LRMDA: variants seen among roughly 807,000 people sequenced by gnomAD.
LRMDA encodes the protein leucine-rich melanocyte differentiation-associated protein.
Under a neutral mutation model 29.8 loss-of-function variants are expected in LRMDA, and 18 were observed. The observed-to-expected ratio is 0.60, with a 90% CI of 0.42 to 0.90. The LOEUF is 0.90. Among genes scored for constraint, LRMDA ranks in the 40% least tolerant of loss-of-function variants. The pLI, the probability that LRMDA is intolerant of heterozygous loss-of-function variation, is 0.00. For synonymous variants in LRMDA, 125 were observed against 109.4 expected, an observed-to-expected ratio of 1.14 and a Z score of -0.89; for missense variants, 273 against 273.9, an observed-to-expected ratio of 1.00 and a Z score of 0.02.
At chr10:75,914,077 G>A (rs1318723237) in intron 2 of LRMDA, among the ~76,000 whole-genome samples, 1 of 152,186 alleles carries the variant, frequency 6.6e-6, no homozygotes, top group Non-Finnish European at 1.5e-5. Context: ...ACGAAATGAA[G>A]TGATATCATC....
chr10:76,356,975 G>A (rs1388282576), intron 6 of LRMDA, among the ~76,000 whole-genome samples: 1 of 152,132 alleles, frequency 6.6e-6, no homozygotes, highest in Non-Finnish European at 1.5e-5. Flanking sequence ...AAGAAAGTTG[G>A]TTGGTGGAGA....
intron 5 of LRMDA, among the ~76,000 whole-genome samples, chr10:76,166,524 G>C (rs1231955227): frequency 6.6e-6 from 1 of 152,084 alleles, no homozygotes; most frequent in African/African-American, 2.4e-5. Flanking sequence ...ATGTGTCCAT[G>C]TGTTCTCATC....
chr10:76,400,118 G>A (rs1907338), intron 6 of LRMDA, among the ~76,000 whole-genome samples: 49 of 152,270 alleles, frequency 3.2e-4, no homozygotes, highest in African/African-American at 1.2e-3. Flanking sequence ...CTTTTTTCCT[G>A]CTGATCTTGA....
At chr10:76,040,579 T>A (rs150105342) in intron 3 of LRMDA, among the ~76,000 whole-genome samples, 1 of 152,114 alleles carries the variant, frequency 6.6e-6, no homozygotes, top group East Asian at 1.9e-4. Context: ...TTTCTCTCTC[T>A]CTCTCTCTCA....
At chr10:75,636,455 G>A (rs1487459829) in intron 2 of LRMDA, among the ~76,000 whole-genome samples, 12 of 152,120 alleles carry the variant, frequency 7.9e-5, no homozygotes, top group Admixed American at 4.6e-4. Context: ...GCACAATGCT[G>A]GTACATGCTA....
chr10:76,512,491 C>T (rs1907322), intron 6 of LRMDA, among the ~76,000 whole-genome samples: 50,577 of 151,942 alleles, frequency 0.33, 8,900 homozygotes, highest in African/African-American at 0.36. Flanking sequence ...ACAACCTTTT[C>T]GACAAATGAT....
chr10:75,733,220 G>A (rs1286918976), intron 2 of LRMDA, among the ~76,000 whole-genome samples: 1 of 152,192 alleles, frequency 6.6e-6, no homozygotes, highest in African/African-American at 2.4e-5. Flanking sequence ...ACATCAAAGA[G>A]AACATGCATA....
chr10:76,483,481 T>C (rs985905210), intron 6 of LRMDA, among the ~76,000 whole-genome samples: 1 of 151,848 alleles, frequency 6.6e-6, no homozygotes, highest in Admixed American at 6.6e-5. Context: ...AGGATGTGTT[T>C]AGCTAGGTCT....
At chr10:76,399,262 A>G (rs1841822451) in intron 6 of LRMDA, among the ~76,000 whole-genome samples, 1 of 152,198 alleles carries the variant, frequency 6.6e-6, no homozygotes. Context: ...CTTTGCCTGC[A>G]TCTAGACCTC....
intron 2 of LRMDA, among the ~76,000 whole-genome samples, chr10:75,994,256 A>T (rs146054111): frequency 3.2e-4 from 49 of 152,254 alleles, no homozygotes; most frequent in African/African-American, 1.1e-3. Context: ...ATCCAAGCTA[A>T]CCTGAGATGC....
chr10:75,869,370 C>T (rs1159905073), intron 2 of LRMDA, among the ~76,000 whole-genome samples: 1 of 152,158 alleles, frequency 6.6e-6, no homozygotes, highest in African/African-American at 2.4e-5. Flanking sequence ...CATATTGCTG[C>T]CATATGTGAT....
At chr10:75,676,296 C>T (rs188675062) in intron 2 of LRMDA, among the ~76,000 whole-genome samples, 80 of 152,320 alleles carry the variant, frequency 5.3e-4, no homozygotes, top group East Asian at 2.7e-3. Context: ...GTGGTCAGGA[C>T]TAAACCTGTG....
chr10:75,890,984 A>T (rs1845476915), intron 2 of LRMDA, among the ~76,000 whole-genome samples: 1 of 152,076 alleles, frequency 6.6e-6, no homozygotes, highest in African/African-American at 2.4e-5. Flanking sequence ...TATGCCTGTA[A>T]TCCCAGCTAC....
chr10:75,681,631 G>A (rs1196269692), intron 2 of LRMDA, among the ~76,000 whole-genome samples: 3 of 152,152 alleles, frequency 2.0e-5, no homozygotes, highest in African/African-American at 2.4e-5. Context: ...CCAGAGCCAC[G>A]CCAAATAGCA....
rs76211840 is a variant in LRMDA, at chr10:75,745,464, A to G, written c.132-290544A>G. On this transcript the variant is annotated intron_variant, in intron 2 of 6. Transcript: ENST00000611255. The stretch of plus-strand genomic sequence containing the variant: ...ACAGCAACTTTGTGCCCTGTGTCCT[A>G]TATCTTCCCATTTCTTTTAAAAATA... 2.0e-3 allele frequency among the ~76,000 whole-genome samples: 307 copies of G among 152,290 alleles called. 1 individual carries two copies. Among genetic ancestry groups the G allele is most frequent in the Non-Finnish European group, 3.6e-3 (243 of 68,030 alleles).
intron 5 of LRMDA, among the ~76,000 whole-genome samples, chr10:76,262,287 C>T (rs535830906): frequency 1.3e-5 from 2 of 152,274 alleles, no homozygotes; most frequent in South Asian, 4.1e-4. Context: ...CACCGGGGTT[C>T]TCAGTGATTG....
intron 2 of LRMDA, among the ~76,000 whole-genome samples, chr10:75,557,186 T>A (rs1486906857): frequency 2.0e-5 from 3 of 151,470 alleles, no homozygotes; most frequent in Non-Finnish European, 4.4e-5. Context: ...TGGTGGCGGG[T>A]GTCTGTAATC....
At chr10:75,913,711 G>A (rs1037497500) in intron 2 of LRMDA, among the ~76,000 whole-genome samples, 1 of 152,146 alleles carries the variant, frequency 6.6e-6, no homozygotes, top group Non-Finnish European at 1.5e-5. Flanking sequence ...CAGGCCCTGA[G>A]TGAGAAGCTC....
intron 2 of LRMDA, among the ~76,000 whole-genome samples, chr10:75,752,961 A>G (rs774401158): frequency 1.3e-5 from 2 of 152,178 alleles, no homozygotes; most frequent in East Asian, 1.9e-4. Context: ...CTGGTTGTAC[A>G]GTATTTTTCT....
Sources: allele counts gnomAD v4.1 joint callset (sites outside exome capture counted in the v4.1 genomes callset), GRCh38; gene constraint gnomAD v4.1.1; transcripts MANE v1.5; gene names NCBI Gene and HGNC (gene_info 2026-07-23, HGNC 2026-07-21).